Variants in SCFD2 observed in about 807,000 individuals in gnomAD.
SCFD2 encodes sec1 family domain containing 2, also known as sec1 family domain-containing protein 2.
SCFD2 carries 54 observed loss-of-function variants against 58.9 expected under a neutral mutation model. That is an observed-to-expected ratio of 0.92 (90% CI 0.74 to 1.15). The LOEUF (loss-of-function observed/expected upper bound fraction) is 1.15. Ranked by LOEUF, SCFD2 falls within the 50% of genes most tolerant of loss-of-function variation. SCFD2 has a pLI of 0.00. For missense variants in SCFD2, 805 were observed against 836.6 expected (o/e 0.96, Z 0.47); for synonymous variants, 321 against 335.9 (o/e 0.96, Z 0.49).
chr4:53,197,652 A>G (rs1226863049), intron 4 of SCFD2, among the ~76,000 whole-genome samples: 1 of 151,782 alleles, frequency 6.6e-6, no homozygotes, highest in Non-Finnish European at 1.5e-5. Flanking sequence ...CAGTGAAAGA[A>G]CTATTTATTG....
At chr4:52,899,961 AT>A (rs1719140020) in intron 7 of SCFD2, among the ~76,000 whole-genome samples, 1 of 152,118 alleles carries the variant, frequency 6.6e-6, no homozygotes, top group Non-Finnish European at 1.5e-5. Context: ...AGGCTTGTGC[AT>A]TCGTCACGTA....
At chr4:52,893,927 A>G (rs1449559893) in intron 7 of SCFD2, among the ~76,000 whole-genome samples, 1 of 152,122 alleles carries the variant, frequency 6.6e-6, no homozygotes, top group Non-Finnish European at 1.5e-5. Flanking sequence ...AGGACATCCC[A>G]TGGGCCTCAT....
At chr4:53,169,870 C>T (rs1228298392) in intron 4 of SCFD2, among the ~76,000 whole-genome samples, 1 of 152,066 alleles carries the variant, frequency 6.6e-6, no homozygotes, top group African/African-American at 2.4e-5. Context: ...CATTCCCATT[C>T]GTTAATTGGA....
At chr4:52,967,360 A>G (rs1481376676) in intron 5 of SCFD2, among the ~76,000 whole-genome samples, 1 of 152,062 alleles carries the variant, frequency 6.6e-6, no homozygotes, top group Non-Finnish European at 1.5e-5. Context: ...CCCCTCCTAG[A>G]TCTTACATTT....
intron 5 of SCFD2, among the ~76,000 whole-genome samples, chr4:52,965,232 T>A (rs1720937083): frequency 6.6e-6 from 1 of 152,154 alleles, no homozygotes; most frequent in Non-Finnish European, 1.5e-5. Flanking sequence ...AGGTAGACTA[T>A]AAAAGCCCCC....
intron 4 of SCFD2, among the ~76,000 whole-genome samples, chr4:53,208,407 G>A (rs1728504538): frequency 1.3e-5 from 2 of 152,142 alleles, no homozygotes; most frequent in Non-Finnish European, 2.9e-5. Context: ...AAATAATCCT[G>A]TACATGTCAC....
At chr4:53,211,278 G>C (rs1728603952) in intron 4 of SCFD2, among the ~76,000 whole-genome samples, 1 of 150,532 alleles carries the variant, frequency 6.6e-6, no homozygotes, top group African/African-American at 2.4e-5. Flanking sequence ...TGTGTTCAGA[G>C]AGGTTCCAGA....
chr4:53,233,672 C>T (rs190185526), intron 4 of SCFD2, among the ~76,000 whole-genome samples: 140 of 152,294 alleles, frequency 9.2e-4, no homozygotes, highest in Non-Finnish European at 1.7e-3. Context: ...CATATGCCTA[C>T]CCTGGGCAAA....
chr4:52,881,126 A>C (rs571216148), intron 8 of SCFD2, among the ~76,000 whole-genome samples: 67 of 152,334 alleles, frequency 4.4e-4, no homozygotes, highest in African/African-American at 1.5e-3. Flanking sequence ...AGGAGAGTGG[A>C]GAAAACATGT....
At chr4:53,062,780 C>T (rs1723551638) in intron 5 of SCFD2, among the ~76,000 whole-genome samples, 1 of 152,096 alleles carries the variant, frequency 6.6e-6, no homozygotes, top group Non-Finnish European at 1.5e-5. Context: ...AACAGTGACA[C>T]ACAAAAAGAG....
intron 5 of SCFD2, among the ~76,000 whole-genome samples, chr4:53,056,838 A>C (rs1309928572): frequency 6.6e-6 from 1 of 152,104 alleles, no homozygotes; most frequent in Non-Finnish European, 1.5e-5. Context: ...AAGAAGGAAG[A>C]GTAATAATGA....
At chr4:53,160,477 A>G (rs1726820453) in intron 4 of SCFD2, among the ~76,000 whole-genome samples, 1 of 152,244 alleles carries the variant, frequency 6.6e-6, no homozygotes, top group Non-Finnish European at 1.5e-5. Flanking sequence ...AATACGGAGT[A>G]TAAGCAAAAG....
chr4:53,255,117 C>T (rs1350573864), intron 4 of SCFD2, among the ~76,000 whole-genome samples: 4 of 151,140 alleles, frequency 2.6e-5, no homozygotes, highest in African/African-American at 7.3e-5. Flanking sequence ...GTGATCTGCC[C>T]GCCTTGGCCT....
intron 5 of SCFD2, among the ~76,000 whole-genome samples, chr4:53,012,374 T>A (rs533509868): frequency 7.5e-4 from 112 of 148,552 alleles, no homozygotes; most frequent in African/African-American, 2.8e-3. Flanking sequence ...TCTCTCTCTC[T>A]CTCACACACA....
At chr4:53,317,031 C>T (rs1384582725) in intron 2 of SCFD2, among the ~76,000 whole-genome samples, 6 of 150,616 alleles carry the variant, frequency 4.0e-5, no homozygotes, top group Non-Finnish European at 7.4e-5. Context: ...CGTTTGAACC[C>T]GGGAGGTAGA....
intron 5 of SCFD2, among the ~76,000 whole-genome samples, chr4:52,962,045 A>C (rs1720864446): frequency 6.6e-6 from 1 of 152,238 alleles, no homozygotes; most frequent in South Asian, 2.1e-4. Flanking sequence ...AATTGAGAGG[A>C]TAGTGGTTCC....
intron 5 of SCFD2, among the ~76,000 whole-genome samples, chr4:53,054,166 A>G (rs924656204): frequency 1.3e-5 from 2 of 152,142 alleles, no homozygotes; most frequent in Non-Finnish European, 2.9e-5. Flanking sequence ...GCTCCCATGT[A>G]TAAGTGATAA....
chr4:52,981,711 T>C (rs1031278964), intron 5 of SCFD2, among the ~76,000 whole-genome samples: 1 of 151,988 alleles, frequency 6.6e-6, no homozygotes, highest in African/African-American at 2.4e-5. Flanking sequence ...TCAAAAAGAA[T>C]TTGGAAGGGG....
chr4:53,118,428 T>C (rs968780519), intron 5 of SCFD2, among the ~76,000 whole-genome samples: 1 of 152,208 alleles, frequency 6.6e-6, no homozygotes, highest in Non-Finnish European at 1.5e-5. Context: ...CAATAAAATT[T>C]GAAATGAGAT....
Sources: allele counts gnomAD v4.1 joint callset (sites outside exome capture counted in the v4.1 genomes callset), GRCh38; gene constraint gnomAD v4.1.1; transcripts MANE v1.5; gene names NCBI Gene and HGNC (gene_info 2026-07-23, HGNC 2026-07-21).